PCDHGA8: variants seen among roughly 807,000 people sequenced by gnomAD.
PCDHGA8 encodes the protein protocadherin gamma-A8.
A neutral mutation model predicts 59.2 loss-of-function variants in PCDHGA8; 45 were observed. The ratio of observed to expected loss-of-function variants is 0.76; its 90% CI spans 0.60 to 0.98. PCDHGA8 has a LOEUF of 0.98. Among genes scored for constraint, PCDHGA8 ranks in the 50% least tolerant of loss-of-function variants. The pLI is 0.00. For synonymous variants in PCDHGA8, 531 were observed against 519.0 expected (o/e 1.02, Z -0.32); for missense variants, 1,257 against 1,196.2 (o/e 1.05, Z -0.75).
intron 1 of PCDHGA8, among the ~76,000 whole-genome samples, chr5:141,483,203 A>T (rs940487337): frequency 1.3e-5 from 2 of 152,204 alleles, no homozygotes; most frequent in African/African-American, 2.4e-5. Flanking sequence ...ATTTTATTCC[A>T]TATAGATGAC....
At chr5:141,500,184 T>TTATA (rs530565701) in intron 2 of PCDHGA8, among the ~76,000 whole-genome samples, 2 of 135,886 alleles carry the variant, frequency 1.5e-5, no homozygotes, top group Non-Finnish European at 3.2e-5. Flanking sequence ...TCATTTTTAT[T>TTATA]TTTATTTATT....
chr5:141,488,128 G>T (rs1412334197), intron 1 of PCDHGA8, among the ~76,000 whole-genome samples: 1 of 152,226 alleles, frequency 6.6e-6, no homozygotes, highest in Non-Finnish European at 1.5e-5. Context: ...ACAGCAGAAA[G>T]AGGAGAGAAC....
intron 2 of PCDHGA8, among the ~76,000 whole-genome samples, chr5:141,504,909 G>C (rs948719729): frequency 6.6e-6 from 1 of 152,002 alleles, no homozygotes; most frequent in Non-Finnish European, 1.5e-5. Context: ...ACTATGACAG[G>C]AAGCCAGGCT....
chr5:141,475,116 C>G (rs1383017919), intron 1 of PCDHGA8, among the ~76,000 whole-genome samples: 2 of 152,128 alleles, frequency 1.3e-5, no homozygotes, highest in African/African-American at 4.8e-5. Context: ...GTAAATAGGC[C>G]TGGCTTTTTT....
intron 1 of PCDHGA8, among the ~76,000 whole-genome samples, chr5:141,453,216 C>T (rs565229516): frequency 8.5e-5 from 13 of 152,080 alleles, no homozygotes; most frequent in Non-Finnish European, 1.0e-4. Context: ...TGCACTTAAG[C>T]GATCCTCCCA....
chr5:141,476,714 C>A lies in PCDHGA8; in HGVS notation c.2425-18093C>A, dbSNP rs146188020. 1 of 1,614,154 alleles carries A rather than the reference C, an allele frequency of 6.2e-7. No homozygotes were observed. The highest frequency in any genetic ancestry group is 1.1e-5 in the South Asian group (1 of 91,078). ...CAAGTACGCGGAGCTGGTGTTGGAG[C>A]GCGCCCTGGACCGAGAACGGGAGCC... On this transcript the variant is annotated intron_variant, in intron 1 of 3. Transcript: ENST00000398604. This position sits in a 1 kb window ranked among gnomAD's most constrained non-coding sequence, Gnocchi z 7.6.
In PCDHGA8 at chr5:141,491,561, A is replaced by G. The variant is rs1289732955; in HGVS notation, c.2425-3246A>G. ...CCCACAGACTCGCAGAGCCACTGCT[A>G]CAGGACGTGCTTTTCACCGGCCTCG... On this transcript the variant is annotated intron_variant, in intron 1 of 3. Transcript: ENST00000398604. The surrounding 1 kb of genome is among the most constrained non-coding windows in gnomAD (Gnocchi z 6.9). The G allele has an allele frequency of 6.2e-7, 1 of 1,613,938 alleles. No homozygotes were observed. Among genetic ancestry groups the G allele is most frequent in the Non-Finnish European group, 8.5e-7 (1 of 1,180,018 alleles).
intron 1 of PCDHGA8, among the ~76,000 whole-genome samples, chr5:141,461,739 C>T (rs1048636018): frequency 3.9e-5 from 6 of 152,134 alleles, no homozygotes; most frequent in Non-Finnish European, 7.4e-5. Context: ...GGCACAATCC[C>T]GGCTCCCAGA....
Position 141,399,737 on chromosome 5 carries a change from C to T in PCDHGA8, c.2424+4500C>T, listed in dbSNP as rs888467903. The T allele has an allele frequency of 2.5e-6, 4 of 1,613,296 alleles. No homozygotes were observed. In the South Asian group the frequency reaches 3.3e-5, roughly 13 times the overall value. On this transcript the variant is annotated intron_variant, in intron 1 of 3. Coordinates refer to ENST00000398604, the MANE Select transcript of PCDHGA8 (RefSeq NM_032088.2). Reference sequence around the variant, plus strand: ...CAGGCCCGCGACCAGGGCTCGCCTGCGCTCAGCGCAAACGTGAGCCTGCGC... The same window carrying T: ...CAGGCCCGCGACCAGGGCTCGCCTGTGCTCAGCGCAAACGTGAGCCTGCGC...
chr5:141,409,447 A>C, intron 1 of PCDHGA8: 1 of 1,614,008 alleles, frequency 6.2e-7, no homozygotes, highest in Non-Finnish European at 8.5e-7. Context: ...GAGAGCAGAC[A>C]CCAGAATACA....
In PCDHGA8 at chr5:141,491,696, G is replaced by A; in HGVS notation, c.2425-3111G>A. The A allele has an allele frequency of 6.2e-7, 1 of 1,612,390 alleles. No individual in the cohort carries two copies. The highest frequency in any genetic ancestry group is 8.5e-7 in the Non-Finnish European group (1 of 1,179,286). ...CGCTCTAATACGCTGCGGGAGCGGA[G>A]CCAGGTGAGGGGCTCGGCGCCGCCC... On this transcript the variant is annotated intron_variant, in intron 1 of 3. Coordinates refer to ENST00000398604, the MANE Select transcript of PCDHGA8 (RefSeq NM_032088.2). This position sits in a 1 kb window ranked among gnomAD's most constrained non-coding sequence, Gnocchi z 6.9.
At chr5:141,450,006 C>CTATTTTTTTTTTTT (rs70988802) in intron 1 of PCDHGA8, among the ~76,000 whole-genome samples, 1 of 132,966 alleles carries the variant, frequency 7.5e-6, no homozygotes, top group Non-Finnish European at 1.6e-5. Flanking sequence ...TGCCATGTCT[C>CTATTTTTTTTTTTT]TTTTTTTTTT....
chr5:141,447,235 G>T (rs1458489257), intron 1 of PCDHGA8, among the ~76,000 whole-genome samples: 1 of 152,084 alleles, frequency 6.6e-6, no homozygotes, highest in Non-Finnish European at 1.5e-5. Flanking sequence ...CGCCTCCCGG[G>T]TTCAAGTGAT....
intron 1 of PCDHGA8, among the ~76,000 whole-genome samples, chr5:141,472,792 C>A (rs2099297177): frequency 6.6e-6 from 1 of 151,698 alleles, no homozygotes; most frequent in African/African-American, 2.4e-5. Context: ...TCAAGATCAG[C>A]CTGACCAACA....
At chr5:141,404,978 G>T (rs373968137) in intron 1 of PCDHGA8, 2 of 1,613,976 alleles carry the variant, frequency 1.2e-6, no homozygotes, top group Non-Finnish European at 8.5e-7. Flanking sequence ...GGCTGACCTG[G>T]GCAGTCTTCA....
intron 1 of PCDHGA8, among the ~76,000 whole-genome samples, chr5:141,481,008 A>G (rs2099529606): frequency 6.6e-6 from 1 of 152,224 alleles, no homozygotes; most frequent in Non-Finnish European, 1.5e-5. Context: ...CAGTGAGCCC[A>G]GATCACACCA....
At chr5:141,496,733 C>T (rs1221912777) in intron 2 of PCDHGA8, among the ~76,000 whole-genome samples, 12 of 152,138 alleles carry the variant, frequency 7.9e-5, no homozygotes, top group African/African-American at 9.7e-5. Context: ...TGTATTCATT[C>T]GTTCATTTAT....
intron 1 of PCDHGA8, chr5:141,408,972 CT>C (rs1404896464): frequency 6.2e-7 from 1 of 1,613,870 alleles, no homozygotes; most frequent in Middle Eastern, 1.6e-4. Flanking sequence ...AATCTGCCCC[CT>C]GGGTCCCCTG....
At chr5:141,443,604 G>A (rs1561911807) in intron 1 of PCDHGA8, among the ~76,000 whole-genome samples, 1 of 152,194 alleles carries the variant, frequency 6.6e-6, no homozygotes, top group Non-Finnish European at 1.5e-5. Context: ...TATATGAAAT[G>A]TTCTTATAAT....
Sources: gnomAD v4.1 joint callset for allele counts (sites outside exome capture counted in the v4.1 genomes callset) on GRCh38, gnomAD v4.1.1 for gene constraint, Gnocchi (gnomAD v3.1) non-coding constraint, MANE v1.5 for transcripts, NCBI Gene and HGNC (gene_info 2026-07-23, HGNC 2026-07-21) for gene names.